DLG2: variants seen among roughly 807,000 people sequenced by gnomAD.
DLG2 encodes the protein discs large MAGUK scaffold protein 2.
DLG2 carries 45 observed loss-of-function variants against 132.5 expected under a neutral mutation model. That is an observed-to-expected ratio of 0.34 (90% CI 0.27 to 0.44). The LOEUF is 0.44. DLG2 is among the 20% of genes least tolerant of loss of function. The probability of loss-of-function intolerance (pLI) is 1.00; values close to 1 mark genes in which losing one functional copy is unlikely to be tolerated. For synonymous variants in DLG2, 424 were observed against 419.6 expected (o/e 1.01, Z -0.13); for missense variants, 1,045 against 1,196.9 (o/e 0.87, Z 1.87).
chr11:83,628,668 T>G (rs1026421848), intron 19 of DLG2, among the ~76,000 whole-genome samples: 4 of 152,204 alleles, frequency 2.6e-5, no homozygotes, highest in Non-Finnish European at 5.9e-5. Flanking sequence ...CCTCCTCATC[T>G]GCATCAGGGA....
At chr11:84,629,234 A>G (rs1208409387) in intron 6 of DLG2, among the ~76,000 whole-genome samples, 3 of 152,348 alleles carry the variant, frequency 2.0e-5, no homozygotes, top group South Asian at 2.1e-4. Context: ...ATCTTCTTGT[A>G]AAAACAACAA....
chr11:85,010,044 G>C (rs2059017412), intron 6 of DLG2, among the ~76,000 whole-genome samples: 1 of 152,040 alleles, frequency 6.6e-6, no homozygotes, highest in South Asian at 2.1e-4. Context: ...AGGTGTGTAG[G>C]CAATAAGTAC....
At chr11:83,572,862 C>T (rs755564462) in intron 19 of DLG2, among the ~76,000 whole-genome samples, 19 of 152,128 alleles carry the variant, frequency 1.2e-4, no homozygotes, top group Non-Finnish European at 1.9e-4. Context: ...CCTCTTCTGC[C>T]TGATAACCAT....
intron 18 of DLG2, among the ~76,000 whole-genome samples, chr11:83,653,955 A>G (rs1248737659): frequency 6.6e-6 from 1 of 152,088 alleles, no homozygotes; most frequent in Non-Finnish European, 1.5e-5. Flanking sequence ...CCTGACCTCA[A>G]GTGATCTGCC....
intron 23 of DLG2, among the ~76,000 whole-genome samples, chr11:83,472,212 A>G (rs976677126): frequency 1.3e-5 from 2 of 152,064 alleles, no homozygotes; most frequent in East Asian, 3.9e-4. Flanking sequence ...TGTATCTGGG[A>G]TTAGAAGGAA....
intron 18 of DLG2, among the ~76,000 whole-genome samples, chr11:83,722,558 C>T (rs1372664174): frequency 8.5e-5 from 13 of 152,060 alleles, no homozygotes; most frequent in Admixed American, 7.2e-4. Flanking sequence ...CCTCCAGAGG[C>T]GGGGTGGGGA....
chr11:84,275,329 C>T (rs2097773880), intron 7 of DLG2, among the ~76,000 whole-genome samples: 1 of 151,072 alleles, frequency 6.6e-6, no homozygotes, highest in Admixed American at 6.6e-5. Context: ...ATCCAACAAA[C>T]ATATCAAGCA....
At chr11:83,545,845 A>T (rs376679516) in intron 19 of DLG2, among the ~76,000 whole-genome samples, 1 of 152,168 alleles carries the variant, frequency 6.6e-6, no homozygotes, top group Non-Finnish European at 1.5e-5. Flanking sequence ...GACACATTTC[A>T]GCAGCTTCTG....
intron 11 of DLG2, among the ~76,000 whole-genome samples, chr11:84,039,045 T>C (rs1294083721): frequency 6.6e-6 from 1 of 152,052 alleles, no homozygotes; most frequent in Admixed American, 6.6e-5. Context: ...TTTTATTTGT[T>C]TTTTAAGACA....
At chr11:83,732,889 C>T (rs1013443851) in intron 18 of DLG2, among the ~76,000 whole-genome samples, 2 of 152,104 alleles carry the variant, frequency 1.3e-5, no homozygotes, top group African/African-American at 4.8e-5. Context: ...CTGAGGACAT[C>T]TGCTTCTCCA....
intron 6 of DLG2, among the ~76,000 whole-genome samples, chr11:85,008,729 A>T (rs1288045132): frequency 6.6e-6 from 1 of 152,110 alleles, no homozygotes; most frequent in Non-Finnish European, 1.5e-5. Context: ...AAAGTCTTGT[A>T]GACACTGTGA....
chr11:83,574,463 T>C (rs547401007), intron 19 of DLG2, among the ~76,000 whole-genome samples: 2 of 152,316 alleles, frequency 1.3e-5, no homozygotes, highest in East Asian at 3.9e-4. Flanking sequence ...ATATACAATA[T>C]AGTCATTTTC....
intron 11 of DLG2, among the ~76,000 whole-genome samples, chr11:84,049,928 T>G (rs1406843766): frequency 6.6e-6 from 1 of 151,658 alleles, no homozygotes; most frequent in Non-Finnish European, 1.5e-5. Flanking sequence ...GTCACAATAG[T>G]AAGAGAAGAC....
intron 8 of DLG2, among the ~76,000 whole-genome samples, chr11:84,194,926 C>T (rs1275208909): frequency 3.3e-5 from 5 of 152,208 alleles, no homozygotes; most frequent in Non-Finnish European, 2.9e-5. Context: ...ACCCGGAACT[C>T]GTCCTGGCCG....
At chr11:84,509,490 T>C (rs1326261613) in intron 7 of DLG2, among the ~76,000 whole-genome samples, 1 of 152,190 alleles carries the variant, frequency 6.6e-6, no homozygotes. Flanking sequence ...TATTCCCTAG[T>C]GATATTTCTC....
At chr11:85,078,646 G>T (rs2066857358) in intron 6 of DLG2, among the ~76,000 whole-genome samples, 1 of 152,010 alleles carries the variant, frequency 6.6e-6, no homozygotes. Flanking sequence ...GAGCTAAAAA[G>T]CAGGGAAGAC....
intron 15 of DLG2, among the ~76,000 whole-genome samples, chr11:83,920,539 C>A (rs555290810): frequency 6.6e-6 from 1 of 152,170 alleles, no homozygotes; most frequent in South Asian, 2.1e-4. Flanking sequence ...TCTTTTATAA[C>A]AGTCTTTTGA....
At chr11:83,816,190 A>G (rs924437259) in intron 17 of DLG2, among the ~76,000 whole-genome samples, 3 of 152,180 alleles carry the variant, frequency 2.0e-5, no homozygotes, top group Non-Finnish European at 2.9e-5. Flanking sequence ...AGACAGAAGG[A>G]TGTCTCCTTC....
intron 6 of DLG2, among the ~76,000 whole-genome samples, chr11:84,922,509 C>T (rs2154084512): frequency 6.6e-6 from 1 of 152,256 alleles, no homozygotes; most frequent in South Asian, 2.1e-4. Context: ...GGGACAGCAG[C>T]GCCCACGCAG....
Sources: gnomAD v4.1 joint callset for allele counts (sites outside exome capture counted in the v4.1 genomes callset) on GRCh38, gnomAD v4.1.1 for gene constraint, MANE v1.5 for transcripts, NCBI Gene and HGNC (gene_info 2026-07-23, HGNC 2026-07-21) for gene names.